RNF146: variants seen among roughly 807,000 people sequenced by gnomAD.
The protein encoded by RNF146 is E3 ubiquitin-protein ligase RNF146.
Under a neutral mutation model 29.7 loss-of-function variants are expected in RNF146, and 11 were observed. The ratio of observed to expected loss-of-function variants is 0.37; its 90% CI spans 0.23 to 0.61. The LOEUF (loss-of-function observed/expected upper bound fraction) is 0.61. Among genes scored for constraint, RNF146 ranks in the 20% least tolerant of loss-of-function variants. RNF146 has a pLI of 0.66. For synonymous variants in RNF146, 150 were observed against 159.7 expected (o/e 0.94, Z 0.46); for missense variants, 342 against 438.9 (o/e 0.78, Z 1.97).
At chr6:127,281,635 A>G (rs1277598168) in intron 2 of RNF146, among the ~76,000 whole-genome samples, 1 of 151,748 alleles carries the variant, frequency 6.6e-6, no homozygotes, top group East Asian at 1.9e-4. Context: ...GTCAGGGAAC[A>G]GTAATATGTG....
At chr6:127,283,641 TCTTA>T (rs1385086670) in intron 2 of RNF146, among the ~76,000 whole-genome samples, 9 of 152,002 alleles carry the variant, frequency 5.9e-5, no homozygotes, top group East Asian at 5.8e-4. Context: ...TTTATCTCTA[TCTTA>T]CTTATTGCAT....
Position 127,287,277 on chromosome 6 carries a change from C to T in RNF146, c.664C>T (p.Leu222=). ...GCCCCTAGTGTCTTCTGTAAGGCCCCTAACATCAGTAGATGGTCAGTTAAC... is the reference window on the plus strand; with the variant it reads ...GCCCCTAGTGTCTTCTGTAAGGCCCTTAACATCAGTAGATGGTCAGTTAAC... ...VQPLVSSVRP[L]TSVDGQLTSP... The change falls in exon 3 of 3, where the codon CTA becomes TTA. Residue 222 remains leucine (L), a synonymous_variant. Coordinates refer to ENST00000368314, the MANE Select transcript of RNF146 (RefSeq NM_001242850.2). The T allele has an allele frequency of 6.2e-7, 1 of 1,613,478 alleles. No homozygotes were observed.
chr6:127,277,695 C>T (rs150420432), intron 1 of RNF146, among the ~76,000 whole-genome samples: 257 of 151,996 alleles, frequency 1.7e-3, no homozygotes, highest in African/African-American at 5.9e-3. Flanking sequence ...TTTTTCTGCC[C>T]GCTTTATATT....
chr6:127,273,231 C>T (rs954650351), intron 1 of RNF146, among the ~76,000 whole-genome samples: 1 of 152,160 alleles, frequency 6.6e-6, no homozygotes, highest in African/African-American at 2.4e-5. Context: ...TTAGTGTCCA[C>T]AGCATTTTAA....
chr6:127,270,687 C>CT (rs796206372), intron 1 of RNF146, among the ~76,000 whole-genome samples: 131 of 151,746 alleles, frequency 8.6e-4, no homozygotes, highest in African/African-American at 3.0e-3. Context: ...TTATACAATA[C>CT]TTTTTTTTTC....
intron 1 of RNF146, among the ~76,000 whole-genome samples, chr6:127,272,385 T>C (rs1463805993): frequency 6.6e-6 from 1 of 152,172 alleles, no homozygotes. Context: ...ATCTAGAGCA[T>C]TATGTTAGTT....
intron 2 of RNF146, among the ~76,000 whole-genome samples, chr6:127,281,945 T>G (rs116592113): frequency 6.6e-6 from 1 of 151,802 alleles, no homozygotes; most frequent in African/African-American, 2.4e-5. Flanking sequence ...CTTACCTAAT[T>G]TCTCAGTGAT....
chr6:127,272,127 G>A (rs1375060442), intron 1 of RNF146, among the ~76,000 whole-genome samples: 1 of 152,148 alleles, frequency 6.6e-6, no homozygotes, highest in Non-Finnish European at 1.5e-5. Context: ...TTGACTTTGG[G>A]TAAGTCATTT....
intron 1 of RNF146, among the ~76,000 whole-genome samples, chr6:127,274,607 A>G (rs973994541): frequency 2.0e-5 from 3 of 152,186 alleles, no homozygotes; most frequent in African/African-American, 7.2e-5. Flanking sequence ...TTTAGAAGAA[A>G]TGTTTTAATT....
At chr6:127,274,943 A>G (rs918493175) in intron 1 of RNF146, among the ~76,000 whole-genome samples, 1 of 152,168 alleles carries the variant, frequency 6.6e-6, no homozygotes, top group Non-Finnish European at 1.5e-5. Context: ...AAAACAAAAC[A>G]AAACAAAAGA....
At chr6:127,280,093 A>G in intron 1 of RNF146, 138 bp from the exon 2 acceptor site, 1 of 491,436 alleles carries the variant, frequency 2.0e-6, no homozygotes, top group African/African-American at 1.9e-5. Context: ...AGTCATGTTG[A>G]ATAGCAGTGG....
intron 1 of RNF146, among the ~76,000 whole-genome samples, chr6:127,269,858 CTGAG>C (rs1283320152): frequency 6.6e-6 from 1 of 152,034 alleles, no homozygotes; most frequent in African/African-American, 2.4e-5. Flanking sequence ...CTTTCTGTCA[CTGAG>C]TGATTTCATG....
chr6:127,275,653 A>C (rs1778102881), intron 1 of RNF146, among the ~76,000 whole-genome samples: 2 of 152,270 alleles, frequency 1.3e-5, no homozygotes, highest in Admixed American at 1.3e-4. Context: ...AGAAAAACAT[A>C]CAAAACATAG....
At chr6:127,270,820 ATT>A (rs200319296) in intron 1 of RNF146, among the ~76,000 whole-genome samples, 2 of 143,156 alleles carry the variant, frequency 1.4e-5, no homozygotes, top group African/African-American at 2.6e-5. Context: ...CTTCCTTATG[ATT>A]TTTTTTTTTT....
intron 1 of RNF146, among the ~76,000 whole-genome samples, chr6:127,271,944 C>T (rs1289901399): frequency 1.3e-5 from 2 of 152,158 alleles, no homozygotes; most frequent in Non-Finnish European, 2.9e-5. Flanking sequence ...GCACCATGCC[C>T]TGCCTCTTTT....
intron 2 of RNF146, among the ~76,000 whole-genome samples, chr6:127,283,273 T>C (rs998478542): frequency 2.6e-5 from 4 of 151,846 alleles, no homozygotes; most frequent in African/African-American, 4.8e-5. Context: ...TTATACTTAT[T>C]AATAGAATTG....
At chr6:127,267,551 C>G (rs866281467) in intron 1 of RNF146, among the ~76,000 whole-genome samples, 3 of 152,142 alleles carry the variant, frequency 2.0e-5, no homozygotes, top group African/African-American at 7.2e-5. Flanking sequence ...TTTGCCTTTT[C>G]CCGGAGTGTC....
chr6:127,272,573 C>T (rs1171701929), intron 1 of RNF146, among the ~76,000 whole-genome samples: 1 of 152,138 alleles, frequency 6.6e-6, no homozygotes, highest in Non-Finnish European at 1.5e-5. Context: ...AGTTTTTTGT[C>T]TGCTTTTATC....
chr6:127,280,675 C>A, intron 2 of RNF146: 1 of 542,990 alleles, frequency 1.8e-6, no homozygotes, highest in Non-Finnish European at 2.4e-6. Flanking sequence ...GTAGTACTAG[C>A]TTTTGTAAAT....
Sources: allele counts gnomAD v4.1 joint callset (sites outside exome capture counted in the v4.1 genomes callset), GRCh38; gene constraint gnomAD v4.1.1; transcripts MANE v1.5; gene names NCBI Gene and HGNC (gene_info 2026-07-23, HGNC 2026-07-21).